CNTNAP5: variants seen among roughly 807,000 people sequenced by gnomAD.
The protein encoded by CNTNAP5 is contactin-associated protein-like 5.
A neutral mutation model predicts 150.2 loss-of-function variants in CNTNAP5; 72 were observed. The observed-to-expected ratio is 0.48, with a 90% CI of 0.40 to 0.58. CNTNAP5 has a LOEUF of 0.58. Among genes scored for constraint, CNTNAP5 ranks in the 20% least tolerant of loss-of-function variants. The pLI, the probability that CNTNAP5 is intolerant of heterozygous loss-of-function variation, is 0.00. For missense variants in CNTNAP5, 1,636 were observed against 1,626.2 expected, an observed-to-expected ratio of 1.01 and a Z score of -0.10; for synonymous variants, 672 against 619.8, an observed-to-expected ratio of 1.08 and a Z score of -1.25.
At chr2:124,837,404 A>G (rs1682853859) in intron 19 of CNTNAP5, among the ~76,000 whole-genome samples, 1 of 152,134 alleles carries the variant, frequency 6.6e-6, no homozygotes, top group Non-Finnish European at 1.5e-5. Context: ...GACTACAACT[A>G]TAATTCTCAG....
chr2:124,109,515 A>G (rs1028916705), intron 1 of CNTNAP5, among the ~76,000 whole-genome samples: 2 of 152,208 alleles, frequency 1.3e-5, no homozygotes, highest in African/African-American at 2.4e-5. Context: ...GGTTCAGATA[A>G]CAAGCGTATC....
intron 12 of CNTNAP5, among the ~76,000 whole-genome samples, chr2:124,639,569 C>T (rs902751317): frequency 7.2e-5 from 11 of 152,112 alleles, no homozygotes; most frequent in Admixed American, 2.6e-4. Flanking sequence ...TAGCTCATGA[C>T]GTCCTCTGAG....
At chr2:124,562,302 T>C (rs1695910665) in intron 10 of CNTNAP5, among the ~76,000 whole-genome samples, 2 of 152,328 alleles carry the variant, frequency 1.3e-5, no homozygotes, top group Admixed American at 6.5e-5. Context: ...ATTATAATCA[T>C]GTTTGTCCTG....
intron 3 of CNTNAP5, among the ~76,000 whole-genome samples, chr2:124,373,995 A>G (rs1293973378): frequency 2.0e-5 from 3 of 152,048 alleles, no homozygotes; most frequent in Non-Finnish European, 4.4e-5. Flanking sequence ...TTGTGTGTAC[A>G]TGTATATATG....
chr2:124,055,306 T>C (rs1394640151), intron 1 of CNTNAP5, among the ~76,000 whole-genome samples: 1 of 152,176 alleles, frequency 6.6e-6, no homozygotes, highest in African/African-American at 2.4e-5. Context: ...CTAAGACTCA[T>C]TTAACTCTAC....
At chr2:124,190,388 T>C (rs1356843247) in intron 1 of CNTNAP5, among the ~76,000 whole-genome samples, 1 of 151,946 alleles carries the variant, frequency 6.6e-6, no homozygotes, top group Non-Finnish European at 1.5e-5. Context: ...AGGAGATGAG[T>C]GCGTGAGTTT....
intron 13 of CNTNAP5, among the ~76,000 whole-genome samples, chr2:124,737,931 T>C (rs1179907780): frequency 6.6e-6 from 1 of 152,102 alleles, no homozygotes; most frequent in African/African-American, 2.4e-5. Context: ...AAAAAAAGCA[T>C]GAATCTGCTT....
intron 18 of CNTNAP5, among the ~76,000 whole-genome samples, chr2:124,797,086 A>G (rs1465486182): frequency 4.6e-5 from 7 of 152,244 alleles, no homozygotes; most frequent in Non-Finnish European, 1.0e-4. Flanking sequence ...AGTGCTTTAC[A>G]TACATCAGAT....
At chr2:124,211,030 T>TA (rs1316829304) in intron 1 of CNTNAP5, among the ~76,000 whole-genome samples, 1 of 152,136 alleles carries the variant, frequency 6.6e-6, no homozygotes, top group East Asian at 1.9e-4. Context: ...ACACTGTACT[T>TA]AAAAAATATT....
chr2:124,836,195 A>T (rs947878683), intron 19 of CNTNAP5, among the ~76,000 whole-genome samples: 7 of 152,188 alleles, frequency 4.6e-5, no homozygotes, highest in Admixed American at 6.6e-5. Context: ...CAGATTTTAG[A>T]AAGTTATTTA....
At chr2:124,429,987 T>C (rs553919526) in intron 4 of CNTNAP5, among the ~76,000 whole-genome samples, 1 of 152,260 alleles carries the variant, frequency 6.6e-6, no homozygotes, top group East Asian at 1.9e-4. Flanking sequence ...ACAGCGTACA[T>C]CTGGCCCTTG....
intron 3 of CNTNAP5, among the ~76,000 whole-genome samples, chr2:124,366,921 A>G (rs1022611144): frequency 6.6e-6 from 1 of 152,184 alleles, no homozygotes; most frequent in Admixed American, 6.5e-5. Context: ...AGAGAGGCTC[A>G]GCAGAAGGCT....
chr2:124,669,817 A>G (rs954878661), intron 13 of CNTNAP5, among the ~76,000 whole-genome samples: 3 of 152,176 alleles, frequency 2.0e-5, no homozygotes, highest in Admixed American at 6.5e-5. Context: ...CCAACTGGCT[A>G]TCATTGAAAC....
At chr2:124,841,030 G>A (rs1410122855) in intron 19 of CNTNAP5, among the ~76,000 whole-genome samples, 2 of 152,106 alleles carry the variant, frequency 1.3e-5, no homozygotes, top group African/African-American at 4.8e-5. Flanking sequence ...TGCTGAGGAT[G>A]TGTTGTGGAG....
chr2:124,645,408 C>CT (rs1329983169), intron 12 of CNTNAP5, among the ~76,000 whole-genome samples: 1 of 152,046 alleles, frequency 6.6e-6, no homozygotes, highest in African/African-American at 2.4e-5. Flanking sequence ...CTCTAAAAAA[C>CT]TTTTTAAAGA....
At chr2:124,158,142 G>C (rs563978539) in intron 1 of CNTNAP5, among the ~76,000 whole-genome samples, 1 of 152,250 alleles carries the variant, frequency 6.6e-6, no homozygotes, top group South Asian at 2.1e-4. Context: ...CTGAGATGAT[G>C]AATTTTCTTT....
chr2:124,294,582 A>C (rs1181576838), intron 3 of CNTNAP5, among the ~76,000 whole-genome samples: 1 of 152,236 alleles, frequency 6.6e-6, no homozygotes, highest in African/African-American at 2.4e-5. Context: ...CCAGTACCTG[A>C]AGTTCCAGAA....
intron 13 of CNTNAP5, among the ~76,000 whole-genome samples, chr2:124,734,992 C>G (rs1185568033): frequency 6.6e-6 from 1 of 152,136 alleles, no homozygotes; most frequent in African/African-American, 2.4e-5. Flanking sequence ...TTGGGCTGTA[C>G]TCTCCAAGTG....
chr2:124,811,713 G>GGGGC (rs1553445060), intron 19 of CNTNAP5, among the ~76,000 whole-genome samples: 1 of 149,884 alleles, frequency 6.7e-6, no homozygotes, highest in Non-Finnish European at 1.5e-5. Context: ...AGGCGGGGGG[G>GGGGC]GTGGATCACC....
Sources: allele counts gnomAD v4.1 joint callset (sites outside exome capture counted in the v4.1 genomes callset), GRCh38; gene constraint gnomAD v4.1.1; transcripts MANE v1.5; gene names NCBI Gene and HGNC (gene_info 2026-07-23, HGNC 2026-07-21).